TMEM237: variants seen among roughly 807,000 people sequenced by gnomAD.
The protein encoded by TMEM237 is amyotrophic lateral sclerosis 2 (juvenile) chromosome region, candidate 4.
TMEM237 carries 51 observed loss-of-function variants against 59.1 expected under a neutral mutation model. The observed-to-expected ratio is 0.86, with a 90% CI of 0.69 to 1.09. TMEM237 has a LOEUF of 1.09. Among genes scored for constraint, TMEM237 ranks in the 50% least tolerant of loss-of-function variants. TMEM237 has a pLI of 0.00. For missense variants in TMEM237, 475 were observed against 478.3 expected, an observed-to-expected ratio of 0.99 and a Z score of 0.06; for synonymous variants, 140 against 166.1, an observed-to-expected ratio of 0.84 and a Z score of 1.21.
intron 4 of TMEM237, among the ~76,000 whole-genome samples, chr2:201,637,673 A>G (rs574294840): frequency 1.5e-4 from 22 of 149,782 alleles, no homozygotes; most frequent in Admixed American, 6.8e-4. Flanking sequence ...TGAACCCAGG[A>G]GGTGGAGGTT....
At chr2:201,640,787 G>C (rs1687397047) in intron 2 of TMEM237, 106 bp downstream of exon 2, 1 of 961,454 alleles carries the variant, frequency 1.0e-6, no homozygotes, top group African/African-American at 1.7e-5. Context: ...TTTCAGAAGA[G>C]TTTCCTGAAT....
At position 201,627,992 on chromosome 2, in the gene TMEM237, T is replaced by A. The variant is rs956016784; in HGVS notation, c.943+84A>T. The A allele has an allele frequency of 1.4e-5, 14 of 1,030,582 alleles. 1 individual carries two copies. The highest frequency in any genetic ancestry group is 1.8e-5 in the Non-Finnish European group (13 of 716,802). The allele number at this position is 1,030,582 out of a possible 1,614,324, so 63.8% of individuals were successfully genotyped here. ...TTTATAAGGAGCAGTAATACAACTT[T>A]TAAAAAAAATTATATTTATCCTGGT... On this transcript the variant is annotated intron_variant, in intron 10 of 12. Transcript: ENST00000409883.
At chr2:201,634,679 G>C (rs1687259548) in intron 5 of TMEM237, 2 of 181,802 alleles carry the variant, frequency 1.1e-5, no homozygotes, top group Non-Finnish European at 2.6e-5. Flanking sequence ...GAAATAAACT[G>C]TAGAGTAGTT....
chr2:201,642,899 CT>C, intron 1 of TMEM237: 1 of 1,340,526 alleles, frequency 7.5e-7, no homozygotes, highest in Non-Finnish European at 9.5e-7. Flanking sequence ...GCAATCACAG[CT>C]TTCCCGTGGT....
Position 201,643,314 on chromosome 2 carries a change from GT to G in TMEM237, c.42+44del. The G allele has an allele frequency of 6.5e-7, 1 of 1,539,352 alleles. No homozygotes were observed. Among genetic ancestry groups the G allele is most frequent in the Non-Finnish European group, 8.8e-7 (1 of 1,139,894 alleles). On this transcript the variant is annotated intron_variant, in intron 1 of 12. Coordinates refer to ENST00000409883, the MANE Select transcript of TMEM237 (RefSeq NM_001044385.3). The surrounding 1 kb of genome is among the most constrained non-coding windows in gnomAD (Gnocchi z 4.3). ...CCCACCCCCACTGCCAAGTGTAGCT[GT>G]TTACCCGCCACCTCTCGAGGCCGAC...
chr2:201,620,330 C>T lies in TMEM237; in HGVS notation c.*3925G>A, dbSNP rs1265077744. 6.6e-6 allele frequency: 1 copy of T among 152,062 alleles called. No homozygotes were observed. 9.4% of individuals were successfully genotyped at this position (152,062 alleles called of 1,614,324 possible). On this transcript the variant is annotated 3_prime_UTR_variant, in exon 13 of 13. Transcript: ENST00000409883. ...ATCTATTCTTCTTTTATTCAAGGAC[C>T]AACTCAAAGGTCAGCTTTTAGTTAA...
rs1304101184 is a variant in TMEM237, at chr2:201,624,026, T to G, written c.*229A>C. The G allele has an allele frequency of 8.2e-6, 3 of 365,138 alleles. No individual in the cohort carries two copies. Among genetic ancestry groups the G allele is most frequent in the African/African-American group, 4.2e-5 (2 of 47,854 alleles). 22.6% of individuals were successfully genotyped at this position (365,138 alleles called of 1,614,324 possible). ...AAATAAACACTTTCACTTGCTGGTTTCTAGTTCATTATTCCCTTTGTCATT... is the reference window on the plus strand; with the variant it reads ...AAATAAACACTTTCACTTGCTGGTTGCTAGTTCATTATTCCCTTTGTCATT... On this transcript the variant is annotated 3_prime_UTR_variant, in exon 13 of 13. Transcript: ENST00000409883.
chr2:201,632,217 A>C lies in TMEM237; in HGVS notation c.396-9T>G. On this transcript the variant is annotated splice_polypyrimidine_tract_variant and intron_variant, in intron 6 of 12. Coordinates refer to ENST00000409883, the MANE Select transcript of TMEM237 (RefSeq NM_001044385.3). Reference sequence around the variant, plus strand: ...CTGCTGGCTGGGTTTTCCTGTAATAAGGACGTATGTATGAAAAATAGATGA... The same window carrying C: ...CTGCTGGCTGGGTTTTCCTGTAATACGGACGTATGTATGAAAAATAGATGA... 2 of 1,613,182 alleles carry C rather than the reference A, an allele frequency of 1.2e-6. No homozygotes were observed. Among genetic ancestry groups the C allele is most frequent in the Non-Finnish European group, 1.7e-6 (2 of 1,179,382 alleles).
In TMEM237 at chr2:201,636,658, T is replaced by C. The variant is rs974568009; in HGVS notation, c.274+90A>G. The C allele has an allele frequency of 2.3e-5, 33 of 1,430,826 alleles. No individual in the cohort carries two copies. The Admixed American group carries it at 3.4e-4, about 15-fold the overall frequency. The allele number at this position is 1,430,826 out of a possible 1,614,324, so 88.6% of individuals were successfully genotyped here. ...CAAGAAACCACCTGTGGGATATGGA[T>C]AGGGGGAAAGAAATGAAAGCAGAGA... On this transcript the variant is annotated intron_variant, in intron 5 of 12. Coordinates refer to ENST00000409883, the MANE Select transcript of TMEM237 (RefSeq NM_001044385.3).
In TMEM237 at chr2:201,643,410, C is replaced by T. The variant is rs1376174963; in HGVS notation, c.-10G>A. On this transcript the variant is annotated 5_prime_UTR_variant, in exon 1 of 13. Coordinates refer to ENST00000409883, the MANE Select transcript of TMEM237 (RefSeq NM_001044385.3). This position sits in a 1 kb window ranked among gnomAD's most constrained non-coding sequence, Gnocchi z 4.3. ...CCGAGTCAGTCCTCATGGTGCTCTC[C>T]CCGCGGGGCTGCCCCGGCGCAACCG... 7 of 1,512,646 alleles carry T rather than the reference C, an allele frequency of 4.6e-6. No individual in the cohort carries two copies. Among genetic ancestry groups the T allele is most frequent in the Non-Finnish European group, 6.2e-6 (7 of 1,129,568 alleles). The allele number at this position is 1,512,646 out of a possible 1,614,324, so 93.7% of individuals were successfully genotyped here.
In TMEM237 at chr2:201,639,065, G is replaced by A. The variant is rs753443048; in HGVS notation, c.80-20C>T. On this transcript the variant is annotated intron_variant, in intron 3 of 12. Transcript: ENST00000409883. ...TATCATCTATAAAGCAAGAAAAAAC[G>A]TCAACAGAAAAGGGTGCCTAAAATT... 9.0e-6 allele frequency: 14 copies of A among 1,563,686 alleles called. No homozygotes were observed. Among genetic ancestry groups the A allele is most frequent in the South Asian group, 3.5e-5 (3 of 84,594 alleles).
chr2:201,642,657 G>T, intron 1 of TMEM237: 1 of 1,607,644 alleles, frequency 6.2e-7, no homozygotes, highest in African/African-American at 1.3e-5. Context: ...GCGGCCGCCG[G>T]CCCCCAAGCA....
In TMEM237 at chr2:201,635,680, TG is replaced by T. The variant is rs531550924; in HGVS notation, c.274+1067del. 1.8e-4 allele frequency among the ~76,000 whole-genome samples: 28 copies of T among 152,002 alleles called. No homozygotes were observed. Among genetic ancestry groups the T allele is most frequent in the African/African-American group, 6.5e-4 (27 of 41,428 alleles). On this transcript the variant is annotated intron_variant, in intron 5 of 12. Transcript: ENST00000409883. This position sits in a 1 kb window ranked among gnomAD's most constrained non-coding sequence, Gnocchi z 4.5. Reference sequence around the variant, plus strand: ...AGGAGGCCGAGGCAGGAGAATCGCTTGTACCCGGGAGGCAGAAGTTCCAGTG... The same window carrying T: ...AGGAGGCCGAGGCAGGAGAATCGCTTTACCCGGGAGGCAGAAGTTCCAGTG...
At chr2:201,641,692 T>C (rs1466034280) in intron 1 of TMEM237, among the ~76,000 whole-genome samples, 1 of 148,288 alleles carries the variant, frequency 6.7e-6, no homozygotes, top group African/African-American at 2.5e-5. Context: ...ATATCTTGTA[T>C]ACATATCGTG....
intron 7 of TMEM237, among the ~76,000 whole-genome samples, chr2:201,631,656 GAA>G (rs1415446423): frequency 6.6e-6 from 1 of 152,108 alleles, no homozygotes; most frequent in African/African-American, 2.4e-5. Context: ...CATAAATCCA[GAA>G]ACAACCAGCA....
chr2:201,629,537 C>G (rs1310461449), intron 8 of TMEM237, 116 bp from the exon 9 acceptor site: 23 of 1,311,562 alleles, frequency 1.8e-5, no homozygotes, highest in Non-Finnish European at 2.3e-5. Flanking sequence ...CAAGTAAAAG[C>G]AAGCTCTTTC....
chr2:201,629,426 A>T lies in TMEM237; in HGVS notation c.678-5T>A, dbSNP rs1957788985. 2.6e-6 allele frequency: 4 copies of T among 1,549,406 alleles called. No homozygotes were observed. Among genetic ancestry groups the T allele is most frequent in the African/African-American group, 1.4e-5 (1 of 72,274 alleles). ...TGAGAAAAGAGACCAATCATCCTGA[A>T]TGGAAAAGGGTTTGATTATTATACA... On this transcript the variant is annotated splice_region_variant and splice_polypyrimidine_tract_variant and intron_variant, in intron 8 of 12. Transcript: ENST00000409883.
At chr2:201,629,600 A>AT in intron 8 of TMEM237, 129 bp downstream of exon 8, 3 of 1,373,518 alleles carry the variant, frequency 2.2e-6, no homozygotes, top group Non-Finnish European at 2.9e-6. Context: ...ATGTTTAAAA[A>AT]ATATACCTAC....
chr2:201,641,531 T>C (rs903258031), intron 1 of TMEM237, among the ~76,000 whole-genome samples: 2 of 151,958 alleles, frequency 1.3e-5, no homozygotes, highest in African/African-American at 2.4e-5. Context: ...AATACACTAA[T>C]GAACACAATG....
Sources: gnomAD v4.1 joint callset for allele counts (sites outside exome capture counted in the v4.1 genomes callset) on GRCh38, gnomAD v4.1.1 for gene constraint, Gnocchi (gnomAD v3.1) non-coding constraint, MANE v1.5 for transcripts, NCBI Gene and HGNC (gene_info 2026-07-23, HGNC 2026-07-21) for gene names.